PDZRN4: variants seen among roughly 807,000 people sequenced by gnomAD.
PDZRN4 encodes PDZ domain-containing RING finger protein 4.
PDZRN4 carries 70 observed loss-of-function variants against 99.0 expected under a neutral mutation model. The observed-to-expected ratio is 0.71, with a 90% CI of 0.58 to 0.86. PDZRN4 has a LOEUF of 0.86. PDZRN4 is among the 40% of genes least tolerant of loss of function. The pLI, the probability that PDZRN4 is intolerant of heterozygous loss-of-function variation, is 0.00. For synonymous variants in PDZRN4, 551 were observed against 501.6 expected (o/e 1.10, Z -1.32); for missense variants, 1,474 against 1,331.2 (o/e 1.11, Z -1.67).
At chr12:41,336,450 G>A (rs1018242732) in intron 3 of PDZRN4, among the ~76,000 whole-genome samples, 3 of 152,120 alleles carry the variant, frequency 2.0e-5, no homozygotes, top group African/African-American at 4.8e-5. Context: ...CTCCATATAA[G>A]GAAGTGTCAA....
intron 3 of PDZRN4, among the ~76,000 whole-genome samples, chr12:41,226,668 A>G (rs1216991787): frequency 2.0e-5 from 3 of 152,194 alleles, no homozygotes; most frequent in African/African-American, 7.2e-5. Context: ...AAGGTCATAA[A>G]AAATGTGTGT....
chr12:41,451,263 A>G (rs1005147368), intron 3 of PDZRN4, among the ~76,000 whole-genome samples: 9 of 152,160 alleles, frequency 5.9e-5, no homozygotes, highest in Non-Finnish European at 2.9e-5. Flanking sequence ...CCTTCTGAAT[A>G]AAAATGTCAC....
intron 3 of PDZRN4, among the ~76,000 whole-genome samples, chr12:41,505,931 C>T (rs1200282336): frequency 1.3e-5 from 2 of 152,036 alleles, no homozygotes; most frequent in African/African-American, 4.8e-5. Context: ...TGCTAGTTCA[C>T]AGACCACACT....
chr12:41,207,117 C>A (rs1333347426), intron 3 of PDZRN4, among the ~76,000 whole-genome samples: 4 of 151,826 alleles, frequency 2.6e-5, no homozygotes, highest in Admixed American at 6.6e-5. Context: ...AAGAAAAATT[C>A]TTTGTTTTTC....
chr12:41,402,305 A>T (rs1262371492), intron 3 of PDZRN4, among the ~76,000 whole-genome samples: 1,086 of 1,088 alleles, frequency 1, 543 homozygotes, highest in Middle Eastern at 1. Context: ...ATATACACAC[A>T]GTGTGTATAT....
At chr12:41,342,554 A>G (rs1951825979) in intron 3 of PDZRN4, among the ~76,000 whole-genome samples, 1 of 122,958 alleles carries the variant, frequency 8.1e-6, no homozygotes. Flanking sequence ...CTCAATAGAC[A>G]TTTCCCAAAA....
chr12:41,452,146 T>C (rs996295371), intron 3 of PDZRN4, among the ~76,000 whole-genome samples: 1 of 151,202 alleles, frequency 6.6e-6, no homozygotes, highest in South Asian at 2.1e-4. Context: ...AATAGGACCT[T>C]AGGGAACTAC....
intron 3 of PDZRN4, among the ~76,000 whole-genome samples, chr12:41,407,003 C>A (rs574067717): frequency 1.3e-5 from 2 of 152,172 alleles, no homozygotes; most frequent in East Asian, 1.9e-4. Flanking sequence ...ATGCTACAAC[C>A]TTTAGGTGTT....
intron 3 of PDZRN4, among the ~76,000 whole-genome samples, chr12:41,469,954 A>C (rs1232615774): frequency 1.3e-5 from 2 of 152,132 alleles, no homozygotes; most frequent in African/African-American, 4.8e-5. Flanking sequence ...AAAAATAAAA[A>C]AAATAAAAAT....
At chr12:41,390,963 GACT>G (rs1372243328) in intron 3 of PDZRN4, among the ~76,000 whole-genome samples, 1 of 152,106 alleles carries the variant, frequency 6.6e-6, no homozygotes, top group Non-Finnish European at 1.5e-5. Flanking sequence ...GCAAATTCTG[GACT>G]ACAACTAGAA....
intron 3 of PDZRN4, among the ~76,000 whole-genome samples, chr12:41,498,423 G>C (rs537489643): frequency 6.6e-6 from 1 of 152,234 alleles, no homozygotes; most frequent in South Asian, 2.1e-4. Context: ...AGGGTGCTAA[G>C]TTCAATATCA....
At chr12:41,557,614 A>G (rs1261707600) in intron 7 of PDZRN4, among the ~76,000 whole-genome samples, 1 of 151,810 alleles carries the variant, frequency 6.6e-6, no homozygotes, top group Non-Finnish European at 1.5e-5. Flanking sequence ...CTTGTTCAGG[A>G]CAACACTCAT....
intron 3 of PDZRN4, among the ~76,000 whole-genome samples, chr12:41,385,901 A>G (rs773259562): frequency 6.6e-6 from 1 of 152,198 alleles, no homozygotes; most frequent in African/African-American, 2.4e-5. Flanking sequence ...ATGAACATAC[A>G]TACAAAAATC....
intron 3 of PDZRN4, among the ~76,000 whole-genome samples, chr12:41,358,451 A>G (rs1951943141): frequency 6.6e-6 from 1 of 151,998 alleles, no homozygotes; most frequent in Non-Finnish European, 1.5e-5. Context: ...GTCAAGAAAA[A>G]TGTCCTGGAC....
intron 3 of PDZRN4, among the ~76,000 whole-genome samples, chr12:41,375,029 A>C (rs1952069325): frequency 6.6e-6 from 1 of 152,126 alleles, no homozygotes; most frequent in Non-Finnish European, 1.5e-5. Context: ...CCTGTAGAAC[A>C]GTTTCGTAGA....
intron 5 of PDZRN4, among the ~76,000 whole-genome samples, chr12:41,538,421 C>A (rs1938786248): frequency 6.6e-6 from 1 of 152,116 alleles, no homozygotes; most frequent in African/African-American, 2.4e-5. Flanking sequence ...GGAGGATATT[C>A]ATGATACTTT....
At chr12:41,382,183 C>T (rs1952132620) in intron 3 of PDZRN4, among the ~76,000 whole-genome samples, 1 of 152,178 alleles carries the variant, frequency 6.6e-6, no homozygotes, top group Non-Finnish European at 1.5e-5. Context: ...GCCAAGCTAG[C>T]TGGGGCCCCA....
intron 3 of PDZRN4, among the ~76,000 whole-genome samples, chr12:41,462,814 A>G (rs1252374930): frequency 1.3e-5 from 2 of 152,164 alleles, no homozygotes; most frequent in African/African-American, 4.8e-5. Flanking sequence ...CTTATAAAAA[A>G]CATAAGAATT....
At chr12:41,339,126 C>CA (rs35203434) in intron 3 of PDZRN4, among the ~76,000 whole-genome samples, 72,531 of 143,390 alleles carry the variant, frequency 0.51, 18,022 homozygotes, top group Middle Eastern at 0.65. Flanking sequence ...TCATTCCGAG[C>CA]AAAAAAAAAA....
Sources: allele counts gnomAD v4.1 joint callset (sites outside exome capture counted in the v4.1 genomes callset), GRCh38; gene constraint gnomAD v4.1.1; transcripts MANE v1.5; gene names NCBI Gene and HGNC (gene_info 2026-07-23, HGNC 2026-07-21).